Variants in SHISAL2A observed in about 807,000 individuals in gnomAD.
SHISAL2A encodes the protein protein shisa-like-2A.
A neutral mutation model predicts 11.5 loss-of-function variants in SHISAL2A; 18 were observed. That is an observed-to-expected ratio of 1.57 (90% CI 1.08 to 2.33). SHISAL2A has a LOEUF of 2.33. Ranked by LOEUF, SHISAL2A falls within the 30% of genes most tolerant of loss-of-function variation. The probability of loss-of-function intolerance (pLI) is 0.00; values close to 1 mark genes in which losing one functional copy is unlikely to be tolerated. For missense variants in SHISAL2A, 261 were observed against 250.9 expected (o/e 1.04, Z -0.27); for synonymous variants, 94 against 99.6 (o/e 0.94, Z 0.34).
chr1:52,637,590 C>T (rs540115489), intron 1 of SHISAL2A, among the ~76,000 whole-genome samples: 2 of 152,256 alleles, frequency 1.3e-5, no homozygotes, highest in Admixed American at 1.3e-4. Context: ...TGTTTTTTTA[C>T]GAGGGTGTGA....
intron 1 of SHISAL2A, among the ~76,000 whole-genome samples, chr1:52,638,086 GA>G (rs1448898544): frequency 2.6e-5 from 4 of 152,102 alleles, no homozygotes; most frequent in Non-Finnish European, 4.4e-5. Context: ...TCCTTCTTTG[GA>G]GCCTGCCCTG....
rs529997662 is a variant in SHISAL2A at position 52,651,407 on chromosome 1, T to C, written c.323-5383T>C. Among the ~76,000 whole-genome samples the C allele has an allele frequency of 3.3e-5, 5 of 151,920 alleles. No individual in the cohort carries two copies. The East Asian group carries it at 9.7e-4, about 30-fold the overall frequency. Reference sequence around the variant, plus strand: ...CCCTGCCATCACGCCTGGCTAATATTTGTATTTTTAGTAGAGACGGGGTTT... The same window carrying C: ...CCCTGCCATCACGCCTGGCTAATATCTGTATTTTTAGTAGAGACGGGGTTT... On this transcript the variant is annotated intron_variant, in intron 2 of 2. Transcript: ENST00000517870.
chr1:52,646,342 T>C (rs541928659), intron 2 of SHISAL2A, among the ~76,000 whole-genome samples: 6 of 152,164 alleles, frequency 3.9e-5, no homozygotes, highest in Admixed American at 6.5e-5. Context: ...AATAAAAATA[T>C]AGGAATTTGT....
At chr1:52,664,428 T>C (rs1691969613) in intron 4 of SHISAL2A, among the ~76,000 whole-genome samples, 1 of 151,770 alleles carries the variant, frequency 6.6e-6, no homozygotes, top group Non-Finnish European at 1.5e-5. Context: ...CAATCTTGGC[T>C]CACCGCAACC....
intron 2 of SHISAL2A, among the ~76,000 whole-genome samples, chr1:52,646,646 C>T (rs1691507738): frequency 6.6e-6 from 1 of 152,160 alleles, no homozygotes; most frequent in South Asian, 2.1e-4. Context: ...AATGTGGGCA[C>T]ACACAGAGTA....
chr1:52,665,426 G>A (rs1442320476), intron 4 of SHISAL2A, among the ~76,000 whole-genome samples: 2 of 152,114 alleles, frequency 1.3e-5, no homozygotes, highest in South Asian at 2.1e-4. Context: ...CACTCCCCTA[G>A]GGAGGAGCAG....
At chr1:52,644,164 A>C (rs191068884) in intron 2 of SHISAL2A, among the ~76,000 whole-genome samples, 3 of 152,210 alleles carry the variant, frequency 2.0e-5, no homozygotes, top group Admixed American at 2.0e-4. Flanking sequence ...GGTATGTGCA[A>C]GTATATAACT....
intron 2 of SHISAL2A, among the ~76,000 whole-genome samples, chr1:52,645,047 GAAGT>G (rs1265332879): frequency 1.3e-5 from 2 of 150,960 alleles, no homozygotes; most frequent in East Asian, 3.9e-4. Context: ...AGAAGAAGAA[GAAGT>G]AAGGGTGACA....
At position 52,642,947 on chromosome 1, in the gene SHISAL2A, C is replaced by T. The variant is rs1691402851; in HGVS notation, c.267C>T (p.Phe89=). 1 of 1,614,008 alleles carries T rather than the reference C, an allele frequency of 6.2e-7. No homozygotes were observed. Among genetic ancestry groups the T allele is most frequent in the Non-Finnish European group, 8.5e-7 (1 of 1,180,010 alleles). ...CCGCCTGTGTGCTCTGCTACCTGTT[C>T]ATCAGCTCTAAGCCCCACACAAAGT... ...IVTACVLCYL[F]ISSKPHTKLD... is the part of the protein sequence containing the mutation. The change falls in exon 2 of 3, where the codon TTC becomes TTT. Residue 89 remains phenylalanine (F), a synonymous_variant. Transcript: ENST00000517870.
chr1:52,668,004 A>G (rs1339590315), intron 5 of SHISAL2A, among the ~76,000 whole-genome samples: 1 of 152,186 alleles, frequency 6.6e-6, no homozygotes, highest in East Asian at 1.9e-4. Flanking sequence ...CCGGGAGTAA[A>G]TGGCCCACCC....
At chr1:52,653,573 T>C (rs1282371864) in intron 2 of SHISAL2A, among the ~76,000 whole-genome samples, 1 of 151,632 alleles carries the variant, frequency 6.6e-6, no homozygotes, top group Non-Finnish European at 1.5e-5. Flanking sequence ...ATCATGTCAC[T>C]ATACTCCAAC....
At position 52,656,893 on chromosome 1, in the gene SHISAL2A, G is replaced by C; in HGVS notation, c.426G>C (p.Pro142=). The part of the protein sequence containing the change: ...PLQQSYSCLN[P]QLESNEGQAV... ...AGCAGAGTTACTCCTGCTTGAACCC[G>C]CAGCTGGAGAGCAATGAGGGGCAGG... Residue 142 remains proline (P), a synonymous_variant, in exon 3 of 3, where the codon CCG becomes CCC. Transcript: ENST00000517870. The C allele has an allele frequency of 6.2e-7, 1 of 1,614,170 alleles. No homozygotes were observed. Among genetic ancestry groups the C allele is most frequent in the Non-Finnish European group, 8.5e-7 (1 of 1,180,034 alleles).
chr1:52,658,808 C>T (rs1465506260), downstream of SHISAL2A, among the ~76,000 whole-genome samples: 1 of 152,208 alleles, frequency 6.6e-6, no homozygotes, highest in African/African-American at 2.4e-5. Context: ...AGACGCAGCT[C>T]AGCAGCCACC....
intron 1 of SHISAL2A, among the ~76,000 whole-genome samples, chr1:52,641,004 C>T (rs554057112): frequency 6.6e-6 from 1 of 152,248 alleles, no homozygotes; most frequent in Admixed American, 6.5e-5. Context: ...CCATAAAATC[C>T]CGAAGACAGG....
downstream of SHISAL2A, among the ~76,000 whole-genome samples, chr1:52,661,229 T>C (rs185879746): frequency 3.2e-4 from 49 of 152,314 alleles, no homozygotes; most frequent in Non-Finnish European, 3.7e-4. Context: ...GTTTCAAGCA[T>C]GGAAAGGAAC....
exon 6 of SHISAL2A, chr1:52,669,447 TGTG>T (rs1296539204): frequency 2.6e-5 from 4 of 151,920 alleles, no homozygotes; most frequent in Non-Finnish European, 5.9e-5. Context: ...GGGTGGATCA[TGTG>T]AGGCCAGGAG....
Position 52,656,998 on chromosome 1 carries a change from A to G in SHISAL2A, c.531A>G (p.Glu177=). 1 of 1,614,066 alleles carries G rather than the reference A, an allele frequency of 6.2e-7. No homozygotes were observed. The highest frequency in any genetic ancestry group is 8.5e-7 in the Non-Finnish European group (1 of 1,179,970). Residue 177 remains glutamate (E), a synonymous_variant, in exon 3 of 3, where the codon GAA becomes GAG. Transcript: ENST00000517870. The part of the protein sequence containing the change: ...TTSDIPGSPE[E]ASVPNPDLCG... Reference sequence around the variant, plus strand: ...GTGACATTCCAGGCAGCCCTGAGGAAGCCTCTGTACCCAACCCTGACCTAT... The same window carrying G: ...GTGACATTCCAGGCAGCCCTGAGGAGGCCTCTGTACCCAACCCTGACCTAT...
chr1:52,646,492 TACACACACAC>T lies in SHISAL2A; in HGVS notation c.322+3518_322+3527del, dbSNP rs35929137. Among the ~76,000 whole-genome samples the T allele has an allele frequency of 1.3e-3, 189 of 145,366 alleles. 2 individuals carry two copies. In the South Asian group the frequency reaches 0.026, roughly 20 times the overall value. On this transcript the variant is annotated intron_variant, in intron 2 of 2. Transcript: ENST00000517870. Reference sequence around the variant, plus strand: ...GATATTATATTACATTAAATATCTATACACACACACACACACACACACACACACACACACA... The same window carrying T: ...GATATTATATTACATTAAATATCTATACACACACACACACACACACACACA...
In SHISAL2A at chr1:52,668,807, C is replaced by T. The variant is rs1461703845; in HGVS notation, n.1116C>T. On this transcript the variant is annotated non_coding_transcript_exon_variant, in exon 6 of 6. Coordinates refer to the SHISAL2A transcript ENST00000401050. ...CCAACTAACTCTGATCTGGCCTACC[C>T]TGCTCCTGACTAACCTCAAGGATCC... 3 of 152,310 alleles carry T rather than the reference C, an allele frequency of 2.0e-5. No individual in the cohort carries two copies. The East Asian group carries it at 5.8e-4, about 29-fold the overall frequency. The allele number at this position is 152,310 out of a possible 1,614,324, so 9.4% of individuals were successfully genotyped here.
Sources: gnomAD v4.1 joint callset for allele counts (sites outside exome capture counted in the v4.1 genomes callset) on GRCh38, gnomAD v4.1.1 for gene constraint, MANE v1.5 for transcripts, NCBI Gene and HGNC (gene_info 2026-07-23, HGNC 2026-07-21) for gene names.